ADAMTS17: variants seen among roughly 807,000 people sequenced by gnomAD.
ADAMTS17 encodes the protein A disintegrin and metalloproteinase with thrombospondin motifs 17.
In ADAMTS17, 113 loss-of-function variants were observed where a neutral mutation model predicts 141.5. The ratio of observed to expected loss-of-function variants is 0.80; its 90% CI spans 0.69 to 0.93. ADAMTS17 has a LOEUF of 0.93. ADAMTS17 is among the 40% of genes least tolerant of loss of function. The pLI, the probability that ADAMTS17 is intolerant of heterozygous loss-of-function variation, is 0.00. For synonymous variants in ADAMTS17, 768 were observed against 630.6 expected (o/e 1.22, Z -3.27); for missense variants, 1,659 against 1,517.9 (o/e 1.09, Z -1.54).
At chr15:100,221,810 C>T (rs908120255) in intron 7 of ADAMTS17, among the ~76,000 whole-genome samples, 1 of 152,200 alleles carries the variant, frequency 6.6e-6, no homozygotes, top group African/African-American at 2.4e-5. Context: ...AACTTCTGCT[C>T]CTCTTAACAG....
At chr15:100,064,464 G>A (rs2033371587) in intron 15 of ADAMTS17, among the ~76,000 whole-genome samples, 1 of 152,200 alleles carries the variant, frequency 6.6e-6, no homozygotes, top group Non-Finnish European at 1.5e-5. Flanking sequence ...TCAGTGAATA[G>A]TGGCCCTGGT....
intron 8 of ADAMTS17, among the ~76,000 whole-genome samples, chr15:100,160,289 T>TCC (rs2039631877): frequency 6.6e-6 from 1 of 152,188 alleles, no homozygotes; most frequent in African/African-American, 2.4e-5. Context: ...CGATGGAGGA[T>TCC]CAACACATGA....
intron 13 of ADAMTS17, among the ~76,000 whole-genome samples, chr15:100,111,341 T>A (rs927689376): frequency 6.6e-6 from 1 of 152,208 alleles, no homozygotes; most frequent in Non-Finnish European, 1.5e-5. Flanking sequence ...AATGACTCAT[T>A]TCCCGTGCTG....
At chr15:100,334,835 T>C (rs2046160546) in intron 2 of ADAMTS17, among the ~76,000 whole-genome samples, 1 of 152,144 alleles carries the variant, frequency 6.6e-6, no homozygotes, top group African/African-American at 2.4e-5. Context: ...TTCAGACCAC[T>C]AGTCAGTGCC....
chr15:100,271,032 A>G (rs1005732445), intron 4 of ADAMTS17, among the ~76,000 whole-genome samples: 2 of 151,984 alleles, frequency 1.3e-5, no homozygotes, highest in Admixed American at 6.6e-5. Context: ...TTCACGTAGC[A>G]TAATGTCTTC....
intron 9 of ADAMTS17, among the ~76,000 whole-genome samples, chr15:100,153,255 T>C (rs549891495): frequency 6.6e-6 from 1 of 152,192 alleles, no homozygotes; most frequent in African/African-American, 2.4e-5. Context: ...GACCACGCTA[T>C]CCCTGAAAGC....
rs187396488 is a variant in ADAMTS17, at chr15:100,035,820, T to A, written c.2591+13037A>T. ...TGCAAGAACCTGGGAGTAAGTAGTA[T>A]AAATATGAAAAAGAAATAACCTAGA... On this transcript the variant is annotated intron_variant, in intron 18 of 21. Coordinates refer to ENST00000268070, the MANE Select transcript of ADAMTS17 (RefSeq NM_139057.4). Among the ~76,000 whole-genome samples the A allele has an allele frequency of 2.0e-3, 298 of 152,164 alleles. 3 individuals carry two copies. The highest frequency in any genetic ancestry group is 5.0e-3 in the East Asian group (26 of 5,174).
intron 10 of ADAMTS17, among the ~76,000 whole-genome samples, chr15:100,144,022 T>C (rs1391028395): frequency 6.6e-6 from 1 of 152,234 alleles, no homozygotes; most frequent in East Asian, 1.9e-4. Flanking sequence ...TGGAGCCTTC[T>C]CAGGGTATGT....
chr15:100,052,668 A>G (rs887702403), intron 16 of ADAMTS17, among the ~76,000 whole-genome samples: 6 of 152,222 alleles, frequency 3.9e-5, no homozygotes, highest in African/African-American at 1.4e-4. Context: ...GTCCCTCTGA[A>G]TAACTGCTTT....
intron 18 of ADAMTS17, among the ~76,000 whole-genome samples, chr15:100,014,742 A>G (rs1318712409): frequency 1.3e-5 from 2 of 151,988 alleles, no homozygotes; most frequent in Admixed American, 6.6e-5. Flanking sequence ...TATAATTTCA[A>G]TTTTCTTAAA....
chr15:100,027,413 C>CA (rs2083065033), intron 18 of ADAMTS17, among the ~76,000 whole-genome samples: 1 of 152,250 alleles, frequency 6.6e-6, no homozygotes, highest in African/African-American at 2.4e-5. Flanking sequence ...TGCTCACCAT[C>CA]AGCCCTTTTA....
intron 13 of ADAMTS17, among the ~76,000 whole-genome samples, chr15:100,114,158 CTT>C (rs10712411): frequency 1.9e-3 from 271 of 142,586 alleles, no homozygotes; most frequent in Admixed American, 2.2e-3. Flanking sequence ...ATTCTTTCTT[CTT>C]TTTTTTTTTT....
chr15:100,224,525 A>G (rs2042238518), intron 7 of ADAMTS17, among the ~76,000 whole-genome samples: 1 of 152,336 alleles, frequency 6.6e-6, no homozygotes, highest in African/African-American at 2.4e-5. Context: ...AAAACCTCAA[A>G]AGGGATTTGG....
chr15:100,188,885 T>A (rs1019029048), intron 8 of ADAMTS17, among the ~76,000 whole-genome samples: 3 of 152,194 alleles, frequency 2.0e-5, no homozygotes, highest in African/African-American at 7.2e-5. Context: ...ATGAAAGCTA[T>A]CCCGAAAACA....
At chr15:100,193,444 G>A (rs2141601629) in intron 8 of ADAMTS17, among the ~76,000 whole-genome samples, 1 of 152,236 alleles carries the variant, frequency 6.6e-6, no homozygotes, top group East Asian at 1.9e-4. Context: ...GAGACCCAGT[G>A]TTGGCTCCCC....
intron 3 of ADAMTS17, among the ~76,000 whole-genome samples, chr15:100,289,093 A>G (rs2044543609): frequency 6.6e-6 from 1 of 152,168 alleles, no homozygotes; most frequent in Admixed American, 6.6e-5. Context: ...AGATTGGTAG[A>G]CCTCTAGCTA....
intron 15 of ADAMTS17, among the ~76,000 whole-genome samples, chr15:100,058,047 T>G (rs1228282821): frequency 6.6e-6 from 1 of 151,902 alleles, no homozygotes; most frequent in Non-Finnish European, 1.5e-5. Context: ...CCCAGATGTT[T>G]ACCACCCAGC....
chr15:100,020,746 T>C (rs2061391746), intron 18 of ADAMTS17, among the ~76,000 whole-genome samples: 1 of 152,178 alleles, frequency 6.6e-6, no homozygotes, highest in African/African-American at 2.4e-5. Context: ...GCTAGAGCCA[T>C]GTGGAGACGG....
At chr15:100,031,706 G>A (rs922985708) in intron 18 of ADAMTS17, among the ~76,000 whole-genome samples, 1 of 152,166 alleles carries the variant, frequency 6.6e-6, no homozygotes, top group Non-Finnish European at 1.5e-5. Context: ...GATGACTGAG[G>A]CACATTCCCT....
Sources: gnomAD v4.1 joint callset for allele counts (sites outside exome capture counted in the v4.1 genomes callset) on GRCh38, gnomAD v4.1.1 for gene constraint, MANE v1.5 for transcripts, NCBI Gene and HGNC (gene_info 2026-07-23, HGNC 2026-07-21) for gene names.